The following IKZF2 variants were observed in gnomAD, a reference collection of about 807,000 sequenced individuals.
The protein encoded by IKZF2 is zinc finger protein Helios.
In IKZF2, 15 loss-of-function variants were observed where a neutral mutation model predicts 49.2. The observed-to-expected ratio is 0.30, with a 90% CI of 0.20 to 0.47. The LOEUF is 0.47. Ranked by LOEUF, IKZF2 falls within the 20% of genes least tolerant of loss-of-function variation. The pLI is 1.00. For missense variants in IKZF2, 567 were observed against 664.6 expected (o/e 0.85, Z 1.61); for synonymous variants, 227 against 221.4 (o/e 1.03, Z -0.23).
intron 7 of IKZF2, 77 bp downstream of exon 7, chr2:213,021,916 G>A (rs1697262915): frequency 4.5e-5 from 28 of 623,366 alleles, no homozygotes; most frequent in Non-Finnish European, 6.0e-5. Flanking sequence ...GTTTTAAACA[G>A]CATAAGATTT....
intron 4 of IKZF2, among the ~76,000 whole-genome samples, chr2:213,114,951 C>G (rs911707649): frequency 1.3e-5 from 2 of 149,794 alleles, no homozygotes; most frequent in Admixed American, 6.7e-5. Flanking sequence ...ATCAAAGAAA[C>G]AAAAGCATAA....
chr2:213,144,706 A>G (rs1457555527), intron 4 of IKZF2, among the ~76,000 whole-genome samples: 5 of 151,970 alleles, frequency 3.3e-5, no homozygotes, highest in African/African-American at 1.2e-4. Flanking sequence ...AGCAGACTCA[A>G]TATGTACACT....
chr2:213,132,525 T>G (rs1185346990), intron 4 of IKZF2, among the ~76,000 whole-genome samples: 1 of 152,200 alleles, frequency 6.6e-6, no homozygotes, highest in Non-Finnish European at 1.5e-5. Context: ...GGGGTATGTA[T>G]ATGTGGTTCT....
intron 1 of IKZF2, among the ~76,000 whole-genome samples, chr2:213,150,904 GTT>G (rs199710880): frequency 2.3e-4 from 32 of 139,042 alleles, no homozygotes; most frequent in African/African-American, 6.9e-4. Flanking sequence ...AGGGTTTTTG[GTT>G]TTTTTTTTTT....
chr2:213,077,580 C>CTTTTT lies in IKZF2; in HGVS notation c.140-20486_140-20482dup, dbSNP rs58528665. Reference sequence around the variant, plus strand: ...TCCAGTTCTGATACTATTCTATGTACTTTTTTTTTTTTTTTTTTTTTTTTT... The same window carrying CTTTTT: ...TCCAGTTCTGATACTATTCTATGTACTTTTTTTTTTTTTTTTTTTTTTTTTTTTTT... On this transcript the variant is annotated intron_variant, in intron 4 of 8. Coordinates refer to ENST00000434687, the MANE Select transcript of IKZF2 (RefSeq NM_001387220.1). Among the ~76,000 whole-genome samples, 12 of 59,476 alleles carry CTTTTT rather than the reference C, an allele frequency of 2.0e-4. 1 individual carries two copies. Among genetic ancestry groups the CTTTTT allele is most frequent in the African/African-American group, 4.0e-4 (6 of 14,942 alleles). 39.0% of individuals were successfully genotyped at this position (59,476 alleles called of 152,430 possible). A position where few individuals can be genotyped will look rare whatever the true frequency, so the allele number is the denominator to read the frequency against.
chr2:213,091,013 G>A (rs1705257486), intron 4 of IKZF2, among the ~76,000 whole-genome samples: 1 of 152,192 alleles, frequency 6.6e-6, no homozygotes, highest in East Asian at 1.9e-4. Flanking sequence ...GAAAGGAGAT[G>A]CAGAAGTGAT....
In IKZF2 at chr2:213,106,339, C is replaced by T. The variant is rs1200808798; in HGVS notation, c.139+41369G>A. 5.3e-5 allele frequency among the ~76,000 whole-genome samples: 8 copies of T among 151,424 alleles called. 1 individual carries two copies. Among genetic ancestry groups the T allele is most frequent in the African/African-American group, 1.7e-4 (7 of 41,296 alleles). ...TAAAGGAAGAGTTGGTCTAACTACT[C>T]TTACGAAAAAAAAAAATGGCTAGGC... On this transcript the variant is annotated intron_variant, in intron 4 of 8. Transcript: ENST00000434687.
At chr2:213,124,089 C>T (rs1429428321) in intron 4 of IKZF2, among the ~76,000 whole-genome samples, 2 of 152,136 alleles carry the variant, frequency 1.3e-5, no homozygotes, top group African/African-American at 4.8e-5. Flanking sequence ...CAGAGACCAC[C>T]TGTCATGCAT....
chr2:213,111,438 AATT>A (rs1283478750), intron 4 of IKZF2, among the ~76,000 whole-genome samples: 3 of 152,002 alleles, frequency 2.0e-5, no homozygotes, highest in Non-Finnish European at 4.4e-5. Context: ...CCTATTACTA[AATT>A]ATTTTATTGT....
intron 5 of IKZF2, among the ~76,000 whole-genome samples, chr2:213,052,867 G>C (rs553242798): frequency 6.6e-6 from 1 of 152,026 alleles, no homozygotes; most frequent in East Asian, 1.9e-4. Context: ...AAAATTATCT[G>C]ATAATTAAGT....
intron 4 of IKZF2, among the ~76,000 whole-genome samples, chr2:213,124,335 A>G (rs941808538): frequency 1.3e-5 from 2 of 151,426 alleles, no homozygotes; most frequent in Non-Finnish European, 2.9e-5. Context: ...ATATTTTTAA[A>G]TGTGATTTTA....
chr2:213,141,330 T>C (rs1424085828), intron 4 of IKZF2, among the ~76,000 whole-genome samples: 1 of 151,924 alleles, frequency 6.6e-6, no homozygotes, highest in Non-Finnish European at 1.5e-5. Flanking sequence ...CACATTGTAA[T>C]CAAATCGATC....
chr2:213,063,344 G>A (rs140832181), intron 4 of IKZF2, among the ~76,000 whole-genome samples: 12 of 152,042 alleles, frequency 7.9e-5, no homozygotes, highest in African/African-American at 2.9e-4. Flanking sequence ...CAATAGTGTA[G>A]TAAAGTTACC....
intron 4 of IKZF2, among the ~76,000 whole-genome samples, chr2:213,066,268 G>A (rs1006157736): frequency 1.3e-5 from 2 of 152,008 alleles, no homozygotes; most frequent in South Asian, 4.1e-4. Context: ...GGCTGCTGGC[G>A]GCTCAACAGA....
At chr2:213,136,091 C>A (rs1266837537) in intron 4 of IKZF2, among the ~76,000 whole-genome samples, 1 of 148,180 alleles carries the variant, frequency 6.7e-6, no homozygotes, top group Admixed American at 6.8e-5. Context: ...AAGAAAGAGC[C>A]GGGGGCAGTG....
At chr2:213,064,100 C>T (rs1263073119) in intron 4 of IKZF2, among the ~76,000 whole-genome samples, 1 of 151,896 alleles carries the variant, frequency 6.6e-6, no homozygotes, top group East Asian at 1.9e-4. Context: ...AAGAATCTGT[C>T]AATATTCAAT....
chr2:213,123,658 C>T (rs1006346444), intron 4 of IKZF2, among the ~76,000 whole-genome samples: 2 of 151,988 alleles, frequency 1.3e-5, no homozygotes, highest in African/African-American at 4.8e-5. Context: ...CAATAAGATA[C>T]AAGTTATTGA....
chr2:213,057,141 A>T, intron 4 of IKZF2, 42 bp from the exon 5 acceptor site: 1 of 1,536,816 alleles, frequency 6.5e-7, no homozygotes, highest in Non-Finnish European at 8.9e-7. Flanking sequence ...AATACATGTT[A>T]TGTATTCTCA....
chr2:213,077,580 C>CTTTTTTTTTTTTTTTTTTTTTTTTT (rs58528665), intron 4 of IKZF2, among the ~76,000 whole-genome samples: 1 of 59,448 alleles, frequency 1.7e-5, no homozygotes, highest in Non-Finnish European at 3.1e-5. Flanking sequence ...ATTCTATGTA[C>CTTTTTTTTTTTTTTTTTTTTTTTTT]TTTTTTTTTT....
Sources: gnomAD v4.1 joint callset for allele counts (sites outside exome capture counted in the v4.1 genomes callset) on GRCh38, gnomAD v4.1.1 for gene constraint, MANE v1.5 for transcripts, NCBI Gene and HGNC (gene_info 2026-07-23, HGNC 2026-07-21) for gene names.